TTBK2: variants seen among roughly 807,000 people sequenced by gnomAD.
TTBK2 encodes tau-tubulin kinase 2.
A neutral mutation model predicts 110.8 loss-of-function variants in TTBK2; 28 were observed. That is an observed-to-expected ratio of 0.25 (90% CI 0.19 to 0.35). TTBK2 has a LOEUF of 0.35. Ranked by LOEUF, TTBK2 falls within the 10% of genes least tolerant of loss-of-function variation. The probability of loss-of-function intolerance (pLI) is 1.00; values close to 1 mark genes in which losing one functional copy is unlikely to be tolerated. For synonymous variants in TTBK2, 532 were observed against 527.3 expected (o/e 1.01, Z -0.12); for missense variants, 1,369 against 1,500.3 (o/e 0.91, Z 1.45).
At chr15:42,783,308 G>T in intron 11 of TTBK2, 111 bp downstream of exon 11, 1 of 1,021,036 alleles carries the variant, frequency 9.8e-7, no homozygotes, top group Non-Finnish European at 1.5e-6. Context: ...GCAAGGAGGA[G>T]CCACAAAACA....
chr15:42,813,673 C>T (rs183406363), intron 7 of TTBK2, among the ~76,000 whole-genome samples: 169 of 151,998 alleles, frequency 1.1e-3, no homozygotes, highest in Admixed American at 1.5e-3. Context: ...AGTGAAACCC[C>T]GTCTCTATTA....
chr15:42,790,958 A>G (rs1249031858), intron 10 of TTBK2, among the ~76,000 whole-genome samples: 1 of 152,036 alleles, frequency 6.6e-6, no homozygotes, highest in African/African-American at 2.4e-5. Context: ...ATCTCAGCTC[A>G]CTGCAAGCTC....
intron 9 of TTBK2, among the ~76,000 whole-genome samples, chr15:42,798,869 A>T (rs1326201606): frequency 1.3e-5 from 2 of 152,184 alleles, no homozygotes; most frequent in Non-Finnish European, 2.9e-5. Flanking sequence ...GGAGGAAAAG[A>T]GGAGGGAGAA....
chr15:42,812,052 T>C (rs1891745996), intron 7 of TTBK2, among the ~76,000 whole-genome samples: 2 of 152,236 alleles, frequency 1.3e-5, no homozygotes, highest in Admixed American at 1.3e-4. Flanking sequence ...CATTAGTTAA[T>C]GTGTTCATTT....
intron 1 of TTBK2, among the ~76,000 whole-genome samples, chr15:42,893,951 G>A (rs535099093): frequency 6.6e-6 from 1 of 152,264 alleles, no homozygotes; most frequent in South Asian, 2.1e-4. Context: ...AAAAATATGG[G>A]CATGATATGG....
chr15:42,902,248 C>T (rs568160963), intron 1 of TTBK2, among the ~76,000 whole-genome samples: 17 of 151,084 alleles, frequency 1.1e-4, no homozygotes, highest in Middle Eastern at 3.6e-3. Context: ...CCGCCAGGCG[C>T]GGTTGCTCAC....
intron 4 of TTBK2, among the ~76,000 whole-genome samples, chr15:42,833,396 G>T (rs1394661367): frequency 6.6e-6 from 1 of 151,762 alleles, no homozygotes; most frequent in Non-Finnish European, 1.5e-5. Context: ...ATACCCAAAA[G>T]GAGAAAAAAT....
At chr15:42,792,353 T>C (rs1890726493) in intron 10 of TTBK2, among the ~76,000 whole-genome samples, 1 of 152,206 alleles carries the variant, frequency 6.6e-6, no homozygotes, top group Admixed American at 6.5e-5. Flanking sequence ...TGATTTTTTT[T>C]CCCTATTCAA....
At chr15:42,814,050 CGTT>C (rs1179173881) in intron 7 of TTBK2, among the ~76,000 whole-genome samples, 2 of 152,070 alleles carry the variant, frequency 1.3e-5, no homozygotes, top group East Asian at 3.9e-4. Context: ...GACAGAGTCT[CGTT>C]GTCGTCAGCC....
At chr15:42,885,605 G>A (rs1249754443) in intron 1 of TTBK2, among the ~76,000 whole-genome samples, 2 of 152,198 alleles carry the variant, frequency 1.3e-5, no homozygotes, top group African/African-American at 4.8e-5. Flanking sequence ...AGGGTCACCT[G>A]CCTTGGTCCT....
chr15:42,741,581 G>C lies in TTBK2; in HGVS notation c.*4214C>G, dbSNP rs1283486733. On this transcript the variant is annotated 3_prime_UTR_variant, in exon 15 of 15. Transcript: ENST00000267890. ...CATCTGTGGTAAGTGCACATAAACA[G>C]AAATGGGCAGATTTTGAAAGTGAAT... is the stretch of plus-strand genomic sequence containing the variant. 1 of 152,188 alleles carries C rather than the reference G, an allele frequency of 6.6e-6. No homozygotes were observed. Among genetic ancestry groups the C allele is most frequent in the Non-Finnish European group, 1.5e-5 (1 of 68,040 alleles). 9.4% of individuals were successfully genotyped at this position (152,188 alleles called of 1,614,324 possible).
intron 9 of TTBK2, among the ~76,000 whole-genome samples, chr15:42,805,047 A>G (rs1401085316): frequency 6.6e-6 from 1 of 152,078 alleles, no homozygotes; most frequent in Non-Finnish European, 1.5e-5. Flanking sequence ...ACATAGTGTG[A>G]CTCTATTGTA....
chr15:42,854,946 G>T (rs1002218190), intron 3 of TTBK2, among the ~76,000 whole-genome samples: 2 of 152,156 alleles, frequency 1.3e-5, no homozygotes, highest in African/African-American at 4.8e-5. Context: ...ATTTACAAAT[G>T]TATGCTATAA....
At chr15:42,748,569 T>C (rs2061825596) in intron 14 of TTBK2, among the ~76,000 whole-genome samples, 1 of 152,014 alleles carries the variant, frequency 6.6e-6, no homozygotes, top group Non-Finnish European at 1.5e-5. Flanking sequence ...TACAGCTGTG[T>C]AGCACCCGTG....
At chr15:42,918,772 C>T (rs1390639834) in intron 1 of TTBK2, among the ~76,000 whole-genome samples, 8 of 152,148 alleles carry the variant, frequency 5.3e-5, no homozygotes, top group African/African-American at 1.9e-4. Flanking sequence ...TTGAAGATTT[C>T]CTGAAGTATT....
Position 42,790,254 on chromosome 15 carries a change from A to G in TTBK2, c.980+4390T>C, listed in dbSNP as rs537783560. ...TGCACAGTATCTTGCTATACTTGCT[A>G]TATTTCTTCCTCTACAAGATGTATT... On this transcript the variant is annotated intron_variant, in intron 10 of 14. Transcript: ENST00000267890. 5.3e-5 allele frequency among the ~76,000 whole-genome samples: 8 copies of G among 151,438 alleles called. No homozygotes were observed. The East Asian group carries it at 7.8e-4, about 15-fold the overall frequency.
chr15:42,757,142 T>C (rs966422279), intron 13 of TTBK2, among the ~76,000 whole-genome samples: 1 of 152,032 alleles, frequency 6.6e-6, no homozygotes, highest in Non-Finnish European at 1.5e-5. Flanking sequence ...GAGTCTTGCT[T>C]TGTCGCCCAG....
intron 5 of TTBK2, among the ~76,000 whole-genome samples, chr15:42,829,717 G>A (rs1372776785): frequency 6.6e-6 from 1 of 152,062 alleles, no homozygotes; most frequent in Non-Finnish European, 1.5e-5. Context: ...TATTTTCACT[G>A]TATGAGAAAA....
chr15:42,767,214 A>G (rs1474276448), intron 13 of TTBK2, among the ~76,000 whole-genome samples: 3 of 152,350 alleles, frequency 2.0e-5, no homozygotes, highest in East Asian at 1.9e-4. Context: ...TAACATCACA[A>G]TTAAAAGAAC....
Sources: gnomAD v4.1 joint callset for allele counts (sites outside exome capture counted in the v4.1 genomes callset) on GRCh38, gnomAD v4.1.1 for gene constraint, MANE v1.5 for transcripts, NCBI Gene and HGNC (gene_info 2026-07-23, HGNC 2026-07-21) for gene names.